USP34: variants seen among roughly 807,000 people sequenced by gnomAD.
The protein encoded by USP34 is ubiquitin specific peptidase 34.
In USP34, 70 loss-of-function variants were observed where a neutral mutation model predicts 460.3. The observed-to-expected ratio is 0.15, with a 90% CI of 0.13 to 0.19. The LOEUF (loss-of-function observed/expected upper bound fraction) is 0.19. USP34 is among the 10% of genes least tolerant of loss of function. The pLI, the probability that USP34 is intolerant of heterozygous loss-of-function variation, is 1.00. For missense variants in USP34, 3,985 were observed against 4,236.2 expected, an observed-to-expected ratio of 0.94 and a Z score of 1.65; for synonymous variants, 1,647 against 1,405.3, an observed-to-expected ratio of 1.17 and a Z score of -3.85.
At chr2:61,394,547 A>T (rs924728460) in intron 5 of USP34, among the ~76,000 whole-genome samples, 3 of 62,760 alleles carry the variant, frequency 4.8e-5, no homozygotes, top group East Asian at 4.4e-4. Flanking sequence ...AAAAAAAAAA[A>T]AAAAAAAAAA....
intron 51 of USP34, among the ~76,000 whole-genome samples, chr2:61,243,762 T>A (rs1325134433): frequency 6.6e-6 from 1 of 151,594 alleles, no homozygotes; most frequent in African/African-American, 2.4e-5. Context: ...TCCCAGCTAT[T>A]CGGGAGGCCG....
chr2:61,332,534 A>G (rs913314870), intron 19 of USP34, among the ~76,000 whole-genome samples: 2 of 152,018 alleles, frequency 1.3e-5, no homozygotes, highest in African/African-American at 4.8e-5. Flanking sequence ...CTTCTATACA[A>G]GAAAGTTACT....
intron 2 of USP34, chr2:61,417,018 C>T: frequency 7.5e-7 from 1 of 1,329,896 alleles, no homozygotes; most frequent in Non-Finnish European, 1.1e-6. Flanking sequence ...TGAAGCCCCA[C>T]TTCTTCCAGA....
At chr2:61,366,150 C>T (rs1448041088) in intron 10 of USP34, among the ~76,000 whole-genome samples, 3 of 152,166 alleles carry the variant, frequency 2.0e-5, no homozygotes, top group Admixed American at 6.5e-5. Flanking sequence ...GGTCTTGAAC[C>T]GCTGACTTTG....
At chr2:61,323,901 C>T (rs1246444677) in intron 21 of USP34, among the ~76,000 whole-genome samples, 3 of 152,056 alleles carry the variant, frequency 2.0e-5, no homozygotes, top group African/African-American at 7.2e-5. Flanking sequence ...AAAATCAGGT[C>T]GCTTATTTTT....
chr2:61,271,773 A>G (rs937573292), intron 41 of USP34, among the ~76,000 whole-genome samples: 1 of 152,228 alleles, frequency 6.6e-6, no homozygotes, highest in African/African-American at 2.4e-5. Flanking sequence ...ATGCAGCTGC[A>G]AAGTGTAAAA....
chr2:61,394,847 A>G lies in USP34; in HGVS notation c.753+6T>C. The G allele has an allele frequency of 6.5e-7, 1 of 1,541,310 alleles. No homozygotes were observed. Among genetic ancestry groups the G allele is most frequent in the Non-Finnish European group, 8.7e-7 (1 of 1,150,076 alleles). On this transcript the variant is annotated splice_donor_region_variant and intron_variant, in intron 5 of 79. Coordinates refer to ENST00000398571, the MANE Select transcript of USP34 (RefSeq NM_014709.4). Reference sequence around the variant, plus strand: ...AAAATTAAGATCAATTCAAAACAATACTTACATTAGACACAACTGTAATAA... The same window carrying G: ...AAAATTAAGATCAATTCAAAACAATGCTTACATTAGACACAACTGTAATAA...
At chr2:61,357,937 T>A (rs745994560) in intron 10 of USP34, among the ~76,000 whole-genome samples, 3 of 152,092 alleles carry the variant, frequency 2.0e-5, no homozygotes, top group African/African-American at 4.8e-5. Flanking sequence ...ACGTCTGTAA[T>A]CCCAGCACTT....
intron 22 of USP34, 88 bp downstream of exon 22, chr2:61,319,085 A>G: frequency 7.5e-7 from 1 of 1,340,282 alleles, no homozygotes; most frequent in East Asian, 2.7e-5. Context: ...AAACTGTCAA[A>G]AAAAAAAAGG....
intron 52 of USP34, 54 bp downstream of exon 52, chr2:61,241,712 T>TA: frequency 2.6e-6 from 4 of 1,512,822 alleles, no homozygotes; most frequent in Non-Finnish European, 3.6e-6. Context: ...ACTCTAAAAG[T>TA]AGACAATGCA....
At position 61,232,868 on chromosome 2, in the gene USP34, C is replaced by CT. The variant is rs1402367950; in HGVS notation, c.7033-337_7033-336insA. Among the ~76,000 whole-genome samples, 17 of 120,412 alleles carry CT rather than the reference C, an allele frequency of 1.4e-4. 1 individual carries two copies. Among genetic ancestry groups the CT allele is most frequent in the South Asian group, 3.4e-4 (1 of 2,970 alleles). 79.0% of individuals were successfully genotyped at this position (120,412 alleles called of 152,430 possible). A position where few individuals can be genotyped will look rare whatever the true frequency, so the allele number is the denominator to read the frequency against. On this transcript the variant is annotated intron_variant, in intron 57 of 79. Transcript: ENST00000398571. ...TATATATATATATATATTCCCCCCCCCCTTTTTTTTTTTTTTTTTTGAGAC... is the reference window on the plus strand; with the variant it reads ...TATATATATATATATATTCCCCCCCCTCCTTTTTTTTTTTTTTTTTTGAGAC...
Position 61,187,999 on chromosome 2 carries a change from A to G in USP34, c.*103T>C. 1 of 1,496,328 alleles carries G rather than the reference A, an allele frequency of 6.7e-7. No homozygotes were observed. The highest frequency in any genetic ancestry group is 1.4e-5 in the South Asian group (1 of 69,974). The allele number at this position is 1,496,328 out of a possible 1,614,324, so 92.7% of individuals were successfully genotyped here. A position where few individuals can be genotyped will look rare whatever the true frequency, so the allele number is the denominator to read the frequency against. ...AATCTATCTTGCCATTCAAGCAGAG[A>G]GCACTGGACAAACTGAAGCACAAAA... On this transcript the variant is annotated 3_prime_UTR_variant, in exon 80 of 80. Coordinates refer to ENST00000398571, the MANE Select transcript of USP34 (RefSeq NM_014709.4).
At chr2:61,448,681 C>T (rs1695186649) in intron 1 of USP34, among the ~76,000 whole-genome samples, 1 of 152,100 alleles carries the variant, frequency 6.6e-6, no homozygotes, top group Admixed American at 6.6e-5. Flanking sequence ...AAGGGATCCA[C>T]TAAACAATTT....
At chr2:61,372,823 G>C (rs1033458999) in intron 8 of USP34, among the ~76,000 whole-genome samples, 1 of 152,142 alleles carries the variant, frequency 6.6e-6, no homozygotes, top group Admixed American at 6.5e-5. Flanking sequence ...TGCAATGGGG[G>C]TCAAAGTGGG....
intron 43 of USP34, among the ~76,000 whole-genome samples, chr2:61,264,502 A>T (rs1688988844): frequency 6.6e-6 from 1 of 151,836 alleles, no homozygotes; most frequent in Non-Finnish European, 1.5e-5. Context: ...TCCGCCAGGC[A>T]TGGTGGCATA....
chr2:61,349,773 G>A (rs894638037), intron 12 of USP34, among the ~76,000 whole-genome samples: 1 of 151,888 alleles, frequency 6.6e-6, no homozygotes, highest in Admixed American at 6.6e-5. Context: ...CCCGGGAGAC[G>A]CAGCTTGCAT....
chr2:61,387,245 T>G (rs568538093), intron 5 of USP34, among the ~76,000 whole-genome samples: 1 of 152,160 alleles, frequency 6.6e-6, no homozygotes, highest in Non-Finnish European at 1.5e-5. Context: ...CAGATCACTT[T>G]GAGGTCAGGA....
intron 57 of USP34, among the ~76,000 whole-genome samples, chr2:61,234,082 A>G (rs554448092): frequency 6.6e-6 from 1 of 152,356 alleles, no homozygotes; most frequent in South Asian, 2.1e-4. Context: ...GTTGAGGAAC[A>G]GGTATGTGAC....
At chr2:61,270,897 A>T (rs1689193247) in intron 41 of USP34, among the ~76,000 whole-genome samples, 1 of 152,222 alleles carries the variant, frequency 6.6e-6, no homozygotes, top group East Asian at 1.9e-4. Flanking sequence ...TTTCTGCATG[A>T]AACCATTGCT....
Sources: gnomAD v4.1 joint callset for allele counts (sites outside exome capture counted in the v4.1 genomes callset) on GRCh38, gnomAD v4.1.1 for gene constraint, MANE v1.5 for transcripts, NCBI Gene and HGNC (gene_info 2026-07-23, HGNC 2026-07-21) for gene names.